The following ARHGAP15 variants were observed in gnomAD, a reference collection of about 807,000 sequenced individuals.
ARHGAP15 encodes rho GTPase-activating protein 15.
In ARHGAP15, 51 loss-of-function variants were observed where a neutral mutation model predicts 63.7. That is an observed-to-expected ratio of 0.80 (90% CI 0.64 to 1.01). The LOEUF is 1.01. ARHGAP15 is among the 50% of genes least tolerant of loss of function. The pLI is 0.00. For missense variants in ARHGAP15, 560 were observed against 564.6 expected (o/e 0.99, Z 0.08); for synonymous variants, 191 against 193.8 (o/e 0.99, Z 0.12).
intron 9 of ARHGAP15, among the ~76,000 whole-genome samples, chr2:143,506,878 G>A (rs561981284): frequency 7.2e-6 from 1 of 138,508 alleles, no homozygotes; most frequent in African/African-American, 2.5e-5. Flanking sequence ...AAATATTAGG[G>A]TATTTTCCTT....
At chr2:143,403,828 G>A (rs755135435) in intron 6 of ARHGAP15, among the ~76,000 whole-genome samples, 21 of 151,688 alleles carry the variant, frequency 1.4e-4, no homozygotes, top group Admixed American at 4.0e-4. Flanking sequence ...TTTCTATTAT[G>A]AGTATATGAA....
At chr2:143,629,060 A>G (rs779784282) in intron 12 of ARHGAP15, among the ~76,000 whole-genome samples, 1 of 152,176 alleles carries the variant, frequency 6.6e-6, no homozygotes, top group Non-Finnish European at 1.5e-5. Flanking sequence ...TTTCTAGTAC[A>G]AGCAATTAAT....
chr2:143,530,965 AG>A (rs1694497770), intron 10 of ARHGAP15, among the ~76,000 whole-genome samples: 1 of 152,176 alleles, frequency 6.6e-6, no homozygotes, highest in Non-Finnish European at 1.5e-5. Flanking sequence ...TCCTCACTGT[AG>A]GAGGGGAAGT....
intron 13 of ARHGAP15, among the ~76,000 whole-genome samples, chr2:143,749,112 G>A (rs1394078768): frequency 6.6e-6 from 1 of 152,136 alleles, no homozygotes; most frequent in East Asian, 1.9e-4. Context: ...TGTTAAAGAA[G>A]TCAGGGTGCT....
chr2:143,423,440 T>C (rs145242080), intron 6 of ARHGAP15, among the ~76,000 whole-genome samples: 138 of 152,282 alleles, frequency 9.1e-4, no homozygotes, highest in Non-Finnish European at 1.4e-3. Context: ...TACCCCTTTA[T>C]TGAGAGCTGG....
intron 10 of ARHGAP15, among the ~76,000 whole-genome samples, chr2:143,523,968 A>G (rs772380012): frequency 7.2e-5 from 11 of 152,126 alleles, no homozygotes; most frequent in African/African-American, 9.7e-5. Flanking sequence ...AGGTATAAGC[A>G]ACTTTGCAGA....
intron 12 of ARHGAP15, among the ~76,000 whole-genome samples, chr2:143,678,381 TGTCAATAAAAA>T (rs1359791897): frequency 6.6e-6 from 1 of 152,234 alleles, no homozygotes. Flanking sequence ...GAAATTTTCT[TGTCAATAAAAA>T]GTCAAGAAAA....
chr2:143,660,601 C>G (rs868172935), intron 12 of ARHGAP15, among the ~76,000 whole-genome samples: 2 of 152,134 alleles, frequency 1.3e-5, no homozygotes, highest in Non-Finnish European at 2.9e-5. Flanking sequence ...AGCGACAGAC[C>G]TGTGTAAAAC....
At chr2:143,597,004 G>T (rs952186577) in intron 11 of ARHGAP15, among the ~76,000 whole-genome samples, 2 of 151,980 alleles carry the variant, frequency 1.3e-5, no homozygotes, top group Non-Finnish European at 2.9e-5. Context: ...TAATACATAA[G>T]AATCCTATTT....
At position 143,413,966 on chromosome 2, in the gene ARHGAP15, T is replaced by TGTGCGCGCGCGCGCGCGCGCGC; in HGVS notation, c.475-21634_475-21633insTGCGCGCGCGCGCGCGCGCGCG. The stretch of plus-strand genomic sequence containing the variant: ...GTGTGTGTGTGTGTGTGTGTGTGTG[T>TGTGCGCGCGCGCGCGCGCGCGC]GCGCGCTCTCTGGCAGAAAGTTAAT... On this transcript the variant is annotated intron_variant, in intron 6 of 13. Transcript: ENST00000295095. Among the ~76,000 whole-genome samples the TGTGCGCGCGCGCGCGCGCGCGC allele has an allele frequency of 2.2e-3, 257 of 117,880 alleles. 2 individuals carry two copies. The highest frequency in any genetic ancestry group is 3.0e-3 in the Non-Finnish European group (174 of 58,644). The allele number at this position is 117,880 out of a possible 152,430, so 77.3% of individuals were successfully genotyped here.
chr2:143,490,334 G>A (rs548588948), intron 9 of ARHGAP15, among the ~76,000 whole-genome samples: 22 of 152,200 alleles, frequency 1.4e-4, no homozygotes, highest in African/African-American at 3.4e-4. Context: ...ATTCTTTCAC[G>A]TAATTCACCA....
chr2:143,541,391 T>C (rs542888175), intron 10 of ARHGAP15, among the ~76,000 whole-genome samples: 253 of 152,354 alleles, frequency 1.7e-3, no homozygotes, highest in African/African-American at 5.9e-3. Context: ...AAAGTCATTC[T>C]CCATCCAGCT....
At chr2:143,283,587 A>G (rs974600699) in intron 6 of ARHGAP15, among the ~76,000 whole-genome samples, 3 of 152,186 alleles carry the variant, frequency 2.0e-5, no homozygotes, top group African/African-American at 7.2e-5. Context: ...AAGAGCCCAG[A>G]TGGGCTTTGC....
chr2:143,570,522 CATTTT>C (rs1281449503), intron 11 of ARHGAP15, among the ~76,000 whole-genome samples: 2 of 152,184 alleles, frequency 1.3e-5, no homozygotes, highest in Non-Finnish European at 2.9e-5. Flanking sequence ...AAGCACTACA[CATTTT>C]AATTTATTGA....
At chr2:143,427,798 G>A (rs555068408) in intron 6 of ARHGAP15, among the ~76,000 whole-genome samples, 7 of 152,052 alleles carry the variant, frequency 4.6e-5, no homozygotes, top group East Asian at 3.9e-4. Context: ...TTCAGTAGAC[G>A]TCAGTATTAC....
chr2:143,461,905 A>G (rs1690960539), intron 8 of ARHGAP15, among the ~76,000 whole-genome samples: 1 of 152,164 alleles, frequency 6.6e-6, no homozygotes, highest in African/African-American at 2.4e-5. Context: ...GCTGTGGCTC[A>G]TGCCTGTAAT....
chr2:143,636,417 G>A (rs776120825), intron 12 of ARHGAP15, among the ~76,000 whole-genome samples: 22 of 152,028 alleles, frequency 1.4e-4, no homozygotes, highest in African/African-American at 4.8e-4. Flanking sequence ...AGAAAAAGTC[G>A]TCAGGAAAAG....
In ARHGAP15 at chr2:143,330,094, C is replaced by CAAAAAAAAAAAAAAAA. The variant is rs1303438123; in HGVS notation, c.474+79516_474+79531dup. On this transcript the variant is annotated intron_variant, in intron 6 of 13. Transcript: ENST00000295095. ...TGGGTGACAGAGCAAGGCTCTGTCTCAAAAAAAAAAAAAAAAAAAAAAAAA... is the reference window on the plus strand; with the variant it reads ...TGGGTGACAGAGCAAGGCTCTGTCTCAAAAAAAAAAAAAAAAAAAAAAAAAAAAAAAAAAAAAAAAA... 6.0e-3 allele frequency among the ~76,000 whole-genome samples: 10 copies of CAAAAAAAAAAAAAAAA among 1,672 alleles called. 1 individual carries two copies. Among genetic ancestry groups the CAAAAAAAAAAAAAAAA allele is most frequent in the East Asian group, 0.042 (1 of 24 alleles). 1.1% of individuals were successfully genotyped at this position (1,672 alleles called of 152,430 possible). A position where few individuals can be genotyped will look rare whatever the true frequency, so the allele number is the denominator to read the frequency against.
At chr2:143,636,140 C>G (rs1216737631) in intron 12 of ARHGAP15, among the ~76,000 whole-genome samples, 2 of 152,122 alleles carry the variant, frequency 1.3e-5, no homozygotes, top group Non-Finnish European at 2.9e-5. Flanking sequence ...GCCCATTCCT[C>G]TGCCAAGTAA....
Sources: gnomAD v4.1 joint callset for allele counts (sites outside exome capture counted in the v4.1 genomes callset) on GRCh38, gnomAD v4.1.1 for gene constraint, MANE v1.5 for transcripts, NCBI Gene and HGNC (gene_info 2026-07-23, HGNC 2026-07-21) for gene names.